Variants in ELAPOR1 observed in about 807,000 individuals in gnomAD.
ELAPOR1 encodes endosome-lysosome associated apoptosis and autophagy regulator 1, also known as endosome/lysosome-associated apoptosis and autophagy regulator 1.
A neutral mutation model predicts 119.7 loss-of-function variants in ELAPOR1; 77 were observed. The ratio of observed to expected loss-of-function variants is 0.64; its 90% confidence interval spans 0.54 to 0.78. ELAPOR1 has a LOEUF of 0.78. Ranked by LOEUF, ELAPOR1 falls within the 30% of genes least tolerant of loss-of-function variation. The pLI is 0.00. For synonymous variants in ELAPOR1, 481 were observed against 487.2 expected (o/e 0.99, Z 0.17); for missense variants, 1,115 against 1,270.4 (o/e 0.88, Z 1.86).
At position 109,173,568 on chromosome 1, in the gene ELAPOR1, T is replaced by C; in HGVS notation, c.791T>C (p.Ile264Thr). 1.9e-6 allele frequency: 3 copies of C among 1,614,126 alleles called. No individual in the cohort carries two copies. In the South Asian group the frequency reaches 3.3e-5, roughly 18 times the overall value. Residue 264 changes from isoleucine (I) to threonine (T), a missense_variant, in exon 6 of 22, where the codon ATT becomes ACT. Physicochemically the swap from Ile to Thr is moderately conservative, Grantham distance 89. Coordinates refer to ENST00000369939, the MANE Select transcript of ELAPOR1 (RefSeq NM_020775.5). Reference sequence around the variant, plus strand: ...CCCAAGCCTGTGCTGGTGAGAAACATTGCCATAACAGGTACTGAGAGCAGG... The same window carrying C: ...CCCAAGCCTGTGCTGGTGAGAAACACTGCCATAACAGGTACTGAGAGCAGG... ...KVPKPVLVRN[I>T]AITGVAYTSE...
intron 3 of ELAPOR1, among the ~76,000 whole-genome samples, chr1:109,167,120 C>T (rs934087295): frequency 6.6e-6 from 1 of 152,202 alleles, no homozygotes; most frequent in Non-Finnish European, 1.5e-5. Context: ...AGACAACCAA[C>T]TCCCATTTGA....
intron 1 of ELAPOR1, among the ~76,000 whole-genome samples, chr1:109,136,161 G>A (rs1342796586): frequency 2.6e-5 from 4 of 152,174 alleles, no homozygotes; most frequent in Non-Finnish European, 5.9e-5. Context: ...AGTACCCGCT[G>A]TGTGCCCCAG....
chr1:109,148,671 G>A (rs781548801), intron 1 of ELAPOR1, among the ~76,000 whole-genome samples: 1 of 152,208 alleles, frequency 6.6e-6, no homozygotes, highest in African/African-American at 2.4e-5. Context: ...ATCACAGACA[G>A]CTAACATATC....
At chr1:109,177,142 T>C (rs1346155606) in intron 7 of ELAPOR1, among the ~76,000 whole-genome samples, 4 of 149,212 alleles carry the variant, frequency 2.7e-5, no homozygotes, top group Non-Finnish European at 5.9e-5. Flanking sequence ...GACAGGGTGG[T>C]GGCCGGGCAG....
intron 7 of ELAPOR1, among the ~76,000 whole-genome samples, chr1:109,175,598 A>G (rs1177413540): frequency 8.6e-5 from 13 of 150,530 alleles, no homozygotes; most frequent in Non-Finnish European, 1.5e-4. Context: ...AGGCCGAGGC[A>G]GGCAGATCAC....
At chr1:109,138,106 C>A (rs1450921737) in intron 1 of ELAPOR1, among the ~76,000 whole-genome samples, 4 of 152,174 alleles carry the variant, frequency 2.6e-5, no homozygotes, top group African/African-American at 9.7e-5. Context: ...CCAACCCTGC[C>A]CCCAGAGCGT....
chr1:109,183,247 G>A (rs1652807313), intron 7 of ELAPOR1, among the ~76,000 whole-genome samples: 1 of 150,226 alleles, frequency 6.7e-6, no homozygotes, highest in Non-Finnish European at 1.5e-5. Context: ...AGCACTTTGG[G>A]TGGGTGGCTG....
At chr1:109,157,623 C>T (rs1250186739) in intron 1 of ELAPOR1, among the ~76,000 whole-genome samples, 1 of 152,142 alleles carries the variant, frequency 6.6e-6, no homozygotes, top group Non-Finnish European at 1.5e-5. Flanking sequence ...TTGTATATCC[C>T]CATTTTTCAA....
intron 1 of ELAPOR1, among the ~76,000 whole-genome samples, chr1:109,144,061 A>ATATATATATATTTTTTTTTTTTTT: frequency 9.0e-5 from 8 of 88,992 alleles, no homozygotes; most frequent in African/African-American, 3.4e-4. Flanking sequence ...ATATTTATAT[A>ATATATATATATTTTTTTTTTTTTT]TTTTTTTTTT....
intron 1 of ELAPOR1, among the ~76,000 whole-genome samples, chr1:109,146,324 TAA>T (rs36072628): frequency 3.3e-5 from 5 of 150,326 alleles, no homozygotes; most frequent in East Asian, 1.9e-4. Flanking sequence ...CTGTCTCAAT[TAA>T]AAAAAAAAAT....
intron 12 of ELAPOR1, 96 bp from the exon 13 acceptor site, chr1:109,191,630 C>T: frequency 6.6e-7 from 1 of 1,525,712 alleles, no homozygotes; most frequent in African/African-American, 1.4e-5. Flanking sequence ...TAACAAGGGT[C>T]TCACCAACCG....
chr1:109,162,578 CT>C (rs1651327970), intron 2 of ELAPOR1, among the ~76,000 whole-genome samples: 1 of 152,174 alleles, frequency 6.6e-6, no homozygotes, highest in African/African-American at 2.4e-5. Context: ...CACAACTTTT[CT>C]ACAATTGGCA....
chr1:109,195,359 T>C lies in ELAPOR1; in HGVS notation c.2121+765T>C, dbSNP rs1409974628. ...ATACAAAAAAATTAGCCGGGCGTGG[T>C]GGCGGGCACCTGTAGTCCCAGCTAC... On this transcript the variant is annotated intron_variant, in intron 15 of 21. Transcript: ENST00000369939. Among the ~76,000 whole-genome samples, 5 of 151,894 alleles carry C rather than the reference T, an allele frequency of 3.3e-5. No homozygotes were observed. In the East Asian group the frequency reaches 7.7e-4, roughly 24 times the overall value.
intron 11 of ELAPOR1, among the ~76,000 whole-genome samples, chr1:109,189,953 A>G (rs973054411): frequency 6.6e-6 from 1 of 152,126 alleles, no homozygotes; most frequent in Non-Finnish European, 1.5e-5. Context: ...TCCTCCTCAC[A>G]GCATCACTTA....
intron 1 of ELAPOR1, among the ~76,000 whole-genome samples, chr1:109,143,372 A>G (rs1649954422): frequency 6.6e-6 from 1 of 152,252 alleles, no homozygotes; most frequent in South Asian, 2.1e-4. Context: ...CACATATTGT[A>G]TGATTGTGTT....
At chr1:109,148,999 C>G (rs570774776) in intron 1 of ELAPOR1, among the ~76,000 whole-genome samples, 1 of 152,076 alleles carries the variant, frequency 6.6e-6, no homozygotes, top group Non-Finnish European at 1.5e-5. Context: ...AGGGACTGGC[C>G]GCAGTTACAG....
At chr1:109,133,765 AATAG>A (rs1649294400) in intron 1 of ELAPOR1, among the ~76,000 whole-genome samples, 1 of 152,198 alleles carries the variant, frequency 6.6e-6, no homozygotes, top group African/African-American at 2.4e-5. Flanking sequence ...AGTGGGAGGA[AATAG>A]ATAGCTTGTT....
At chr1:109,177,138 GT>G (rs1273265883) in intron 7 of ELAPOR1, among the ~76,000 whole-genome samples, 1 of 139,498 alleles carries the variant, frequency 7.2e-6, no homozygotes, top group Non-Finnish European at 1.5e-5. Context: ...CCCAGACAGG[GT>G]GGTGGCCGGG....
At chr1:109,150,171 C>T (rs1650440155) in intron 1 of ELAPOR1, among the ~76,000 whole-genome samples, 1 of 152,180 alleles carries the variant, frequency 6.6e-6, no homozygotes, top group African/African-American at 2.4e-5. Flanking sequence ...TACAAACTAC[C>T]CCAGGTCCGT....
Sources: gnomAD v4.1 joint callset for allele counts (sites outside exome capture counted in the v4.1 genomes callset) on GRCh38, gnomAD v4.1.1 for gene constraint, MANE v1.5 for transcripts, NCBI Gene and HGNC (gene_info 2026-07-23, HGNC 2026-07-21) for gene names.